GFPT2: variants seen among roughly 807,000 people sequenced by gnomAD.
GFPT2 encodes the protein glutamine--fructose-6-phosphate aminotransferase [isomerizing] 2.
A neutral mutation model predicts 85.6 loss-of-function variants in GFPT2; 62 were observed. That is an observed-to-expected ratio of 0.72 (90% CI 0.59 to 0.90). GFPT2 has a LOEUF of 0.90. Ranked by LOEUF, GFPT2 falls within the 40% of genes least tolerant of loss-of-function variation. The pLI is 0.00. For missense variants in GFPT2, 788 were observed against 893.4 expected, an observed-to-expected ratio of 0.88 and a Z score of 1.50; for synonymous variants, 368 against 344.5, an observed-to-expected ratio of 1.07 and a Z score of -0.75.
At chr5:180,326,112 T>C (rs958914671) in intron 7 of GFPT2, among the ~76,000 whole-genome samples, 1 of 152,194 alleles carries the variant, frequency 6.6e-6, no homozygotes, top group Middle Eastern at 3.2e-3. Flanking sequence ...CTCATTCTTA[T>C]AAATTATAGC....
rs1205061726 is a variant in GFPT2 at position 180,328,711 on chromosome 5, A to T, written c.535-373T>A. Among the ~76,000 whole-genome samples, 1 of 152,156 alleles carries T rather than the reference A, an allele frequency of 6.6e-6. No homozygotes were observed. The highest frequency in any genetic ancestry group is 1.5e-5 in the Non-Finnish European group (1 of 68,018). ...AGCACCTACTCAGCAAGCCCCTGTG[A>T]AGTGCACTTTAGCTCAACACACGGT... On this transcript the variant is annotated intron_variant, in intron 6 of 18. Coordinates refer to ENST00000253778, the MANE Select transcript of GFPT2 (RefSeq NM_005110.4). The surrounding 1 kb of genome is among the most constrained non-coding windows in gnomAD (Gnocchi z 5.4).
At chr5:180,309,632 G>C (rs879933005) in intron 15 of GFPT2, among the ~76,000 whole-genome samples, 1 of 151,938 alleles carries the variant, frequency 6.6e-6, no homozygotes, top group Admixed American at 6.6e-5. Flanking sequence ...GGCTGGTCTC[G>C]AACTCCTGAC....
chr5:180,336,092 C>T (rs1311340199), intron 3 of GFPT2, 139 bp from the exon 4 acceptor site: 12 of 729,258 alleles, frequency 1.6e-5, no homozygotes, highest in Middle Eastern at 3.1e-4. Context: ...CCTGGGAGTC[C>T]GCGCAGGCCC....
In GFPT2 at chr5:180,328,427, T is replaced by G; in HGVS notation, c.535-89A>C. 3.0e-6 allele frequency: 3 copies of G among 1,013,462 alleles called. No homozygotes were observed. Among genetic ancestry groups the G allele is most frequent in the Non-Finnish European group, 4.7e-6 (3 of 638,950 alleles). 62.8% of individuals were successfully genotyped at this position (1,013,462 alleles called of 1,614,324 possible). ...GCCCAGGTGCGTCTCCCTGGGCCCCTCCTGATGGCGGGAGGTCCTGGGGTC... is the reference window on the plus strand; with the variant it reads ...GCCCAGGTGCGTCTCCCTGGGCCCCGCCTGATGGCGGGAGGTCCTGGGGTC... On this transcript the variant is annotated intron_variant, in intron 6 of 18. Coordinates refer to ENST00000253778, the MANE Select transcript of GFPT2 (RefSeq NM_005110.4). The surrounding 1 kb of genome is among the most constrained non-coding windows in gnomAD (Gnocchi z 5.4).
chr5:180,303,557 G>A (rs924481191), intron 17 of GFPT2, among the ~76,000 whole-genome samples: 1 of 152,208 alleles, frequency 6.6e-6, no homozygotes, highest in Non-Finnish European at 1.5e-5. Context: ...GGCTTGACAG[G>A]CAGGTATGGG....
chr5:180,324,058 T>C (rs753729531), intron 9 of GFPT2, 130 bp downstream of exon 9: 2 of 685,726 alleles, frequency 2.9e-6, no homozygotes, highest in Non-Finnish European at 5.3e-6. Context: ...ATGGCTGAAC[T>C]CTTCTTTGGC....
chr5:180,306,916 C>G (rs114586783), intron 16 of GFPT2, among the ~76,000 whole-genome samples: 1 of 152,194 alleles, frequency 6.6e-6, no homozygotes, highest in African/African-American at 2.4e-5. Flanking sequence ...GCCGGAGGGG[C>G]ACACCCCAGG....
At chr5:180,336,703 A>G in intron 2 of GFPT2, 126 bp from the exon 3 acceptor site, 1 of 725,500 alleles carries the variant, frequency 1.4e-6, no homozygotes, top group Non-Finnish European at 2.5e-6. Flanking sequence ...GGAGAGCTGT[A>G]CAGTTTTCAG....
intron 9 of GFPT2, among the ~76,000 whole-genome samples, chr5:180,321,757 G>A (rs1449673079): frequency 7.4e-6 from 1 of 134,542 alleles, no homozygotes; most frequent in African/African-American, 2.9e-5. Context: ...AAAATAATAT[G>A]GAGGGTTTTG....
At chr5:180,321,194 T>C (rs549265643) in intron 9 of GFPT2, among the ~76,000 whole-genome samples, 13 of 152,028 alleles carry the variant, frequency 8.6e-5, no homozygotes, top group Non-Finnish European at 1.9e-4. Flanking sequence ...TTTTTTTGTA[T>C]AAAAAGTAGA....
chr5:180,308,763 T>C (rs10903253), intron 15 of GFPT2, among the ~76,000 whole-genome samples: 47,573 of 152,076 alleles, frequency 0.31, 7,677 homozygotes, highest in East Asian at 0.45. Flanking sequence ...CTCTGTGACA[T>C]CGTGAACTGG....
Position 180,316,842 on chromosome 5 carries a change from C to G in GFPT2, c.1074G>C (p.Lys358Asn), listed in dbSNP as rs778111839. Residue 358 changes from lysine to asparagine, a missense_variant, in exon 12 of 19, where the codon AAG becomes AAC. By Grantham distance (94) the Lys-to-Asn change is moderately conservative. Coordinates refer to ENST00000253778, the MANE Select transcript of GFPT2 (RefSeq NM_005110.4). Reference protein sequence around the residue: ...ETNTVLLGGLKDHLKEIRRCR... With the variant: ...ETNTVLLGGLNDHLKEIRRCR... ...ATCGTCGAATCTCCTTCAAGTGGTC[C>G]TTCAAGCCACCCAGGAGCACTGCAG... 1 of 1,613,972 alleles carries G rather than the reference C, an allele frequency of 6.2e-7. No individual in the cohort carries two copies. Among genetic ancestry groups the G allele is most frequent in the South Asian group, 1.1e-5 (1 of 91,072 alleles).
chr5:180,329,167 A>C (rs1024085778), intron 6 of GFPT2, among the ~76,000 whole-genome samples: 1 of 152,198 alleles, frequency 6.6e-6, no homozygotes, highest in African/African-American at 2.4e-5. Context: ...TTTCCACAAG[A>C]AATCCTCCAA....
chr5:180,314,775 G>T (rs1284970240), intron 13 of GFPT2, among the ~76,000 whole-genome samples: 3 of 152,134 alleles, frequency 2.0e-5, no homozygotes, highest in African/African-American at 7.2e-5. Flanking sequence ...CGGGAAAGGG[G>T]GTTCTAACTT....
In GFPT2 at chr5:180,307,264, T is replaced by G; in HGVS notation, c.1586A>C (p.His529Pro). The change falls in exon 16 of 19, where the codon CAC becomes CCC. Residue 529 changes from histidine to proline, a missense_variant. Coordinates refer to ENST00000253778, the MANE Select transcript of GFPT2 (RefSeq NM_005110.4). ...KEVLSLEEKI[H>P]DLALELYTQR... ...CGTGTAGAGCTCCAGGGCCAAGTCG[T>G]GGATCTTCTCCTCCAGAGACAGCAC... is the stretch of plus-strand genomic sequence containing the variant. 6.2e-7 allele frequency: 1 copy of G among 1,613,390 alleles called. No individual in the cohort carries two copies. Among genetic ancestry groups the G allele is most frequent in the Non-Finnish European group, 8.5e-7 (1 of 1,179,634 alleles).
In GFPT2 at chr5:180,310,230, G is replaced by T. The variant is rs186255406; in HGVS notation, c.1546+2200C>A. ...CAATTCTCCTGCCTCAGCCTCCCAA[G>T]TAGCTGGGATTACAGGCACCCACTA... On this transcript the variant is annotated intron_variant, in intron 15 of 18. Transcript: ENST00000253778. Among the ~76,000 whole-genome samples, 4 of 151,776 alleles carry T rather than the reference G, an allele frequency of 2.6e-5. No individual in the cohort carries two copies. The East Asian group carries it at 7.8e-4, about 29-fold the overall frequency.
Position 180,325,770 on chromosome 5 carries a change from TA to T in GFPT2, c.597-876del, listed in dbSNP as rs1581379742. 2.0e-5 allele frequency among the ~76,000 whole-genome samples: 3 copies of T among 152,368 alleles called. No homozygotes were observed. The East Asian group carries it at 5.8e-4, about 29-fold the overall frequency. The stretch of plus-strand genomic sequence containing the variant: ...CTGGGCGCACAGTGGCTCACGCCTG[TA>T]ATCCCAGCACTTTGCGGGGCTGAAG... On this transcript the variant is annotated intron_variant, in intron 7 of 18. Coordinates refer to ENST00000253778, the MANE Select transcript of GFPT2 (RefSeq NM_005110.4).
intron 8 of GFPT2, 190 bp downstream of exon 8, chr5:180,324,626 A>G: frequency 1.7e-6 from 1 of 599,624 alleles, no homozygotes; most frequent in Non-Finnish European, 3.0e-6. Flanking sequence ...TGTCCATGAT[A>G]AAAAGCTTAA....
Position 180,316,449 on chromosome 5 carries a change from A to C in GFPT2, c.1165T>G (p.Leu389Val). 6.2e-7 allele frequency: 1 copy of C among 1,614,146 alleles called. No homozygotes were observed. The highest frequency in any genetic ancestry group is 8.5e-7 in the Non-Finnish European group (1 of 1,179,996). The change falls in exon 13 of 19, where the codon TTG becomes GTG. Residue 389 changes from leucine to valine, a missense_variant. Transcript: ENST00000253778. Reference protein sequence around the residue: ...YHAAVATRQVLEELTELPVMV... With the variant: ...YHAAVATRQVVEELTELPVMV... Reference sequence around the variant, plus strand: ...ACAGGAAGCTCAGTCAGTTCCTCCAAAACTTGCCGCGTCTGAAGCCAACAA... The same window carrying C: ...ACAGGAAGCTCAGTCAGTTCCTCCACAACTTGCCGCGTCTGAAGCCAACAA...
Sources: gnomAD v4.1 joint callset for allele counts (sites outside exome capture counted in the v4.1 genomes callset) on GRCh38, gnomAD v4.1.1 for gene constraint, Gnocchi (gnomAD v3.1) non-coding constraint, MANE v1.5 for transcripts, NCBI Gene and HGNC (gene_info 2026-07-23, HGNC 2026-07-21) for gene names.